STC2: variants seen among roughly 807,000 people sequenced by gnomAD.
The protein encoded by STC2 is stanniocalcin 2.
Under a neutral mutation model 22.7 loss-of-function variants are expected in STC2, and 7 were observed. The observed-to-expected ratio is 0.31, with a 90% confidence interval of 0.18 to 0.58. The LOEUF (loss-of-function observed/expected upper bound fraction) is 0.58. Among genes scored for constraint, STC2 ranks in the 20% least tolerant of loss-of-function variants. The probability of loss-of-function intolerance (pLI) is 0.89; values close to 1 mark genes in which losing one functional copy is unlikely to be tolerated. For synonymous variants in STC2, 158 were observed against 163.4 expected, an observed-to-expected ratio of 0.97 and a Z score of 0.25; for missense variants, 336 against 406.2, an observed-to-expected ratio of 0.83 and a Z score of 1.48.
chr5:173,317,728 C>A lies in STC2; in HGVS notation c.*119G>T. 1 of 1,349,004 alleles carries A rather than the reference C, an allele frequency of 7.4e-7. No homozygotes were observed. The highest frequency in any genetic ancestry group is 9.9e-7 in the Non-Finnish European group (1 of 1,007,804). 83.6% of individuals were successfully genotyped at this position (1,349,004 alleles called of 1,614,324 possible). A position where few individuals can be genotyped will look rare whatever the true frequency, so the allele number is the denominator to read the frequency against. On this transcript the variant is annotated 3_prime_UTR_variant, in exon 4 of 4. Transcript: ENST00000265087. ...CGAACACACACCTCGATGAAGTCCA[C>A]AGTCCCCACAGAATCCTGCGTGTGA...
Position 173,318,128 on chromosome 5 carries a change from A to G in STC2, c.628T>C (p.Phe210Leu). ...NWGSLCSILS[F>L]CTSAIQKPPT... Reference sequence around the variant, plus strand: ...GGCTTCTGGATGGCCGAGGTGCAGAAGCTCAAGATGGAGCACAGGCTTCCC... The same window carrying G: ...GGCTTCTGGATGGCCGAGGTGCAGAGGCTCAAGATGGAGCACAGGCTTCCC... The change falls in exon 4 of 4, where the codon TTC (phenylalanine) becomes CTC (leucine). Residue 210 changes from phenylalanine to leucine, a missense_variant. By Grantham distance (22) the Phe-to-Leu change is conservative. Around this residue, in one of 3 missense-constraint regions of STC2, gnomAD observed 215 missense variants for 231.5 expected, o/e 0.93. Coordinates refer to ENST00000265087, the MANE Select transcript of STC2 (RefSeq NM_003714.3). 1 of 1,610,284 alleles carries G rather than the reference A, an allele frequency of 6.2e-7. No individual in the cohort carries two copies.
At chr5:173,322,217 G>A (rs918134184) in intron 3 of STC2, among the ~76,000 whole-genome samples, 1 of 152,106 alleles carries the variant, frequency 6.6e-6, no homozygotes, top group Non-Finnish European at 1.5e-5. Context: ...CCATCAAACT[G>A]GTAATGACTT....
chr5:173,327,520 C>T (rs148625861), intron 1 of STC2, among the ~76,000 whole-genome samples: 63 of 152,360 alleles, frequency 4.1e-4, no homozygotes, highest in Non-Finnish European at 8.5e-4. Context: ...GAAAGCAGTG[C>T]CCCCAGGGGG....
At position 173,318,236 on chromosome 5, in the gene STC2, G is replaced by A; in HGVS notation, c.520C>T (p.Leu174Phe). Reference protein sequence around the residue: ...DLLLHEPYVDLVNLLLTCGEE... With the variant: ...DLLLHEPYVDFVNLLLTCGEE... ...CCACAGGTCAGCAGCAAGTTCACGA[G>A]GTCCACGTAGGGTCTAAAGATTGAA... is the stretch of plus-strand genomic sequence containing the variant. Residue 174 changes from leucine (L) to phenylalanine (F), a missense_variant, in exon 4 of 4, where the codon CTC becomes TTC. Coordinates refer to ENST00000265087, the MANE Select transcript of STC2 (RefSeq NM_003714.3). 6.7e-7 allele frequency: 1 copy of A among 1,485,306 alleles called. No individual in the cohort carries two copies. The highest frequency in any genetic ancestry group is 1.5e-5 in the South Asian group (1 of 68,708). 92.0% of individuals were successfully genotyped at this position (1,485,306 alleles called of 1,614,324 possible).
chr5:173,319,054 G>T (rs1170862248), intron 3 of STC2, among the ~76,000 whole-genome samples: 3 of 152,146 alleles, frequency 2.0e-5, no homozygotes, highest in African/African-American at 4.8e-5. Context: ...GCGGTCAGGG[G>T]CCCCTGTGTC....
At chr5:173,320,269 G>A (rs1762468438) in intron 3 of STC2, among the ~76,000 whole-genome samples, 1 of 152,184 alleles carries the variant, frequency 6.6e-6, no homozygotes, top group Non-Finnish European at 1.5e-5. Context: ...TCTGCCAGAT[G>A]AGCCCCCAGA....
intron 3 of STC2, among the ~76,000 whole-genome samples, chr5:173,321,572 G>A (rs896269164): frequency 1.3e-5 from 2 of 152,220 alleles, no homozygotes; most frequent in Non-Finnish European, 2.9e-5. Context: ...GTCTAGGAGG[G>A]AGATAATAGG....
chr5:173,315,697 T>C lies in STC2; in HGVS notation c.*2150A>G, dbSNP rs948009900. 1 of 152,128 alleles carries C rather than the reference T, an allele frequency of 6.6e-6. No homozygotes were observed. Among genetic ancestry groups the C allele is most frequent in the Non-Finnish European group, 1.5e-5 (1 of 68,042 alleles). 9.4% of individuals were successfully genotyped at this position (152,128 alleles called of 1,614,324 possible). On this transcript the variant is annotated 3_prime_UTR_variant, in exon 4 of 4. Coordinates refer to ENST00000265087, the MANE Select transcript of STC2 (RefSeq NM_003714.3). The stretch of plus-strand genomic sequence containing the variant: ...CTTTTGAGTGATGTCAGTAAAACAG[T>C]CAACGTGCCTGCCGCGGTGGCTCAC...
Position 173,325,857 on chromosome 5 carries a change from T to A in STC2, c.294+11A>T. 1 of 1,614,124 alleles carries A rather than the reference T, an allele frequency of 6.2e-7. No homozygotes were observed. Among genetic ancestry groups the A allele is most frequent in the South Asian group, 1.1e-5 (1 of 91,086 alleles). ...CCCCAAACATTCTTCATGCTCTGGA[T>A]GGATTTTTACCTGGGCATCAAATTT... On this transcript the variant is annotated intron_variant, in intron 2 of 3. Coordinates refer to ENST00000265087, the MANE Select transcript of STC2 (RefSeq NM_003714.3). This position sits in a 1 kb window ranked among gnomAD's most constrained non-coding sequence, Gnocchi z 4.7.
intron 3 of STC2, among the ~76,000 whole-genome samples, chr5:173,320,457 C>T (rs1324220070): frequency 1.3e-5 from 2 of 152,188 alleles, no homozygotes; most frequent in Non-Finnish European, 2.9e-5. Context: ...GCAAGCTCAG[C>T]CCGTGTCTAA....
In STC2 at chr5:173,325,338, G is replaced by T. The variant is rs1441114975; in HGVS notation, c.294+530C>A. 1.3e-5 allele frequency among the ~76,000 whole-genome samples: 2 copies of T among 152,188 alleles called. No individual in the cohort carries two copies. Among genetic ancestry groups the T allele is most frequent in the African/African-American group, 2.4e-5 (1 of 41,442 alleles). On this transcript the variant is annotated intron_variant, in intron 2 of 3. Transcript: ENST00000265087. This position sits in a 1 kb window ranked among gnomAD's most constrained non-coding sequence, Gnocchi z 4.7. The stretch of plus-strand genomic sequence containing the variant: ...AGGCCCTGACTATATTTATCATATA[G>T]AGCAAAAGGAAAGTGTGGAACTGAA...
At chr5:173,326,644 G>C (rs1040361406) in intron 1 of STC2, 24 of 152,330 alleles carry the variant, frequency 1.6e-4, no homozygotes, top group African/African-American at 5.8e-4. Flanking sequence ...AGCTGGGGGC[G>C]AGCCTTCAGA....
In STC2 at chr5:173,317,679, T is replaced by C. The variant is rs112878564; in HGVS notation, c.*168A>G. 3.5e-6 allele frequency: 3 copies of C among 864,872 alleles called. No individual in the cohort carries two copies. Among genetic ancestry groups the C allele is most frequent in the Non-Finnish European group, 5.0e-6 (3 of 604,250 alleles). 53.6% of individuals were successfully genotyped at this position (864,872 alleles called of 1,614,324 possible). On this transcript the variant is annotated 3_prime_UTR_variant, in exon 4 of 4. Coordinates refer to ENST00000265087, the MANE Select transcript of STC2 (RefSeq NM_003714.3). The stretch of plus-strand genomic sequence containing the variant: ...CCCTGAGACCCCACGGCCCCAGGGG[T>C]CTCCATCTCACCTGTCCGTTCCGCG...
chr5:173,321,719 T>C (rs7716211), intron 3 of STC2, among the ~76,000 whole-genome samples: 3,302 of 152,310 alleles, frequency 0.022, 126 homozygotes, highest in African/African-American at 0.076. Flanking sequence ...CTCTTGGGCA[T>C]AGTAATTTCT....
chr5:173,327,983 C>A (rs1415631311), intron 1 of STC2, 60 bp downstream of exon 1: 1 of 1,391,876 alleles, frequency 7.2e-7, no homozygotes, highest in Non-Finnish European at 9.4e-7. Context: ...TGGGGCGCGC[C>A]GCGTGGGTGC....
intron 3 of STC2, among the ~76,000 whole-genome samples, chr5:173,322,074 T>C (rs1322914949): frequency 6.6e-6 from 1 of 152,198 alleles, no homozygotes; most frequent in African/African-American, 2.4e-5. Flanking sequence ...GTGCTTGCTG[T>C]TCTCTGTCAT....
In STC2 at chr5:173,318,004, C is replaced by T. The variant is rs771592824; in HGVS notation, c.752G>A (p.Ser251Asn). 6.2e-7 allele frequency: 1 copy of T among 1,613,232 alleles called. No homozygotes were observed. Among genetic ancestry groups the T allele is most frequent in the Non-Finnish European group, 8.5e-7 (1 of 1,179,894 alleles). ...CTTGGCACCTCGGCCAGTCTCCCTA[C>T]TGCTGGGCTCTGGGAGGTGATGTCC... is the stretch of plus-strand genomic sequence containing the variant. ...EAGHHLPEPS[S>N]RETGRGAKGE... The change falls in exon 4 of 4, where the codon AGT (serine) becomes AAT (asparagine). Residue 251 changes from serine to asparagine, a missense_variant. By Grantham distance (46) the Ser-to-Asn change is conservative. Transcript: ENST00000265087.
In STC2 at chr5:173,325,506, G is replaced by T. The variant is rs975745343; in HGVS notation, c.294+362C>A. ...CATGACGGATTTCTACATACTTTGT[G>T]TCTCATTTTCCTAGTAGGTGAAATG... On this transcript the variant is annotated intron_variant, in intron 2 of 3. Transcript: ENST00000265087. The surrounding 1 kb of genome is among the most constrained non-coding windows in gnomAD (Gnocchi z 4.7). 1.3e-5 allele frequency among the ~76,000 whole-genome samples: 2 copies of T among 152,174 alleles called. No individual in the cohort carries two copies. The highest frequency in any genetic ancestry group is 1.3e-4 in the Admixed American group (2 of 15,280).
intron 3 of STC2, among the ~76,000 whole-genome samples, chr5:173,322,517 C>T (rs1020942246): frequency 6.6e-6 from 1 of 152,160 alleles, no homozygotes; most frequent in Admixed American, 6.5e-5. Context: ...AAGTTTTTGG[C>T]ACTTGTTTTG....
Sources: gnomAD v4.1 joint callset for allele counts (sites outside exome capture counted in the v4.1 genomes callset) on GRCh38, gnomAD v4.1.1 for gene constraint, gnomAD v4.1.1 regional missense constraint, Gnocchi (gnomAD v3.1) non-coding constraint, MANE v1.5 for transcripts, NCBI Gene and HGNC (gene_info 2026-07-23, HGNC 2026-07-21) for gene names.